SGCZ: variants seen among roughly 807,000 people sequenced by gnomAD.
The protein encoded by SGCZ is zeta-sarcoglycan.
Under a neutral mutation model 41.3 loss-of-function variants are expected in SGCZ, and 40 were observed. That is an observed-to-expected ratio of 0.97 (90% CI 0.75 to 1.26). The LOEUF is 1.26. Among genes scored for constraint, SGCZ ranks in the 50% most tolerant of loss-of-function variants. SGCZ has a pLI of 0.00. For synonymous variants in SGCZ, 206 were observed against 137.5 expected, an observed-to-expected ratio of 1.50 and a Z score of -3.49; for missense variants, 552 against 369.8, an observed-to-expected ratio of 1.49 and a Z score of -4.04.
intron 2 of SGCZ, among the ~76,000 whole-genome samples, chr8:14,337,451 G>A (rs181593264): frequency 8.5e-4 from 130 of 152,218 alleles, no homozygotes; most frequent in Non-Finnish European, 1.5e-3. Flanking sequence ...ATTAGATTTT[G>A]AGTACTCTCC....
At chr8:14,432,153 C>A (rs13263532) in intron 2 of SGCZ, among the ~76,000 whole-genome samples, 3 of 152,028 alleles carry the variant, frequency 2.0e-5, no homozygotes, top group Non-Finnish European at 2.9e-5. Context: ...GTAGAACTAC[C>A]ATTTGATCCA....
intron 2 of SGCZ, among the ~76,000 whole-genome samples, chr8:14,443,515 C>A (rs1329034042): frequency 6.6e-6 from 1 of 152,068 alleles, no homozygotes; most frequent in Non-Finnish European, 1.5e-5. Context: ...CGCATATCTA[C>A]AACTATCTGA....
intron 1 of SGCZ, among the ~76,000 whole-genome samples, chr8:14,792,418 A>T (rs1800986499): frequency 6.6e-6 from 1 of 152,124 alleles, no homozygotes; most frequent in Admixed American, 6.6e-5. Flanking sequence ...CTTTAGAAAC[A>T]TCAACTCTCT....
chr8:14,206,672 A>G (rs977939864), intron 4 of SGCZ, among the ~76,000 whole-genome samples: 1 of 152,206 alleles, frequency 6.6e-6, no homozygotes, highest in African/African-American at 2.4e-5. Flanking sequence ...CTGTTTATAT[A>G]ACAAGCAGTT....
chr8:15,122,609 T>C (rs1288372541), intron 1 of SGCZ, among the ~76,000 whole-genome samples: 1 of 152,150 alleles, frequency 6.6e-6, no homozygotes, highest in Non-Finnish European at 1.5e-5. Context: ...GAAATCACGT[T>C]AACTGAATGC....
intron 2 of SGCZ, among the ~76,000 whole-genome samples, chr8:14,380,852 C>G (rs754868391): frequency 4.6e-5 from 7 of 151,906 alleles, no homozygotes; most frequent in Non-Finnish European, 8.8e-5. Flanking sequence ...GAGTGAGAGT[C>G]TGTCTCAAAC....
In SGCZ at chr8:14,882,983, C is replaced by G. The variant is rs1804650558; in HGVS notation, c.40-328057G>C. Among the ~76,000 whole-genome samples the G allele has an allele frequency of 2.0e-5, 3 of 151,952 alleles. No individual in the cohort carries two copies. The South Asian group carries it at 6.2e-4, about 32-fold the overall frequency. The stretch of plus-strand genomic sequence containing the variant: ...ATATTTCTAATTTTATTGATTGCAT[C>G]TCATTTTACATCTATGTATTTATAC... On this transcript the variant is annotated intron_variant, in intron 1 of 7. Coordinates refer to ENST00000382080, the MANE Select transcript of SGCZ (RefSeq NM_139167.4).
chr8:14,893,943 A>G (rs1022016535), intron 1 of SGCZ, among the ~76,000 whole-genome samples: 3 of 152,170 alleles, frequency 2.0e-5, no homozygotes, highest in African/African-American at 7.2e-5. Context: ...AGTTTCCTCA[A>G]TTCTAAATTC....
chr8:14,284,996 T>G (rs1014881451), intron 3 of SGCZ, among the ~76,000 whole-genome samples: 1 of 152,168 alleles, frequency 6.6e-6, no homozygotes, highest in Non-Finnish European at 1.5e-5. Flanking sequence ...CTCCAGATGA[T>G]ATCTTCCATC....
intron 1 of SGCZ, among the ~76,000 whole-genome samples, chr8:14,916,592 C>A (rs962676468): frequency 6.6e-6 from 1 of 152,188 alleles, no homozygotes; most frequent in African/African-American, 2.4e-5. Context: ...TATAAGTTAA[C>A]AAACTTGCCT....
intron 2 of SGCZ, among the ~76,000 whole-genome samples, chr8:14,329,685 G>A (rs991861342): frequency 5.9e-5 from 9 of 152,074 alleles, no homozygotes; most frequent in African/African-American, 2.2e-4. Context: ...AATCCACTGT[G>A]ATCATCATAT....
chr8:14,414,604 G>A (rs1250130217), intron 2 of SGCZ, among the ~76,000 whole-genome samples: 4 of 151,932 alleles, frequency 2.6e-5, no homozygotes, highest in Admixed American at 2.6e-4. Context: ...AAGGATAGCT[G>A]AGAAAATGTG....
chr8:14,946,675 A>AT (rs5889556), intron 1 of SGCZ, among the ~76,000 whole-genome samples: 33,714 of 132,176 alleles, frequency 0.26, 4,538 homozygotes, highest in South Asian at 0.35. Flanking sequence ...AGAAATCTGT[A>AT]TTTTTTTTTT....
At chr8:14,685,714 T>G (rs571046437) in intron 1 of SGCZ, among the ~76,000 whole-genome samples, 129 of 152,226 alleles carry the variant, frequency 8.5e-4, no homozygotes, top group African/African-American at 3.1e-3. Context: ...CATATAAAGC[T>G]AGTTTTTATG....
intron 1 of SGCZ, among the ~76,000 whole-genome samples, chr8:14,665,461 T>C (rs766295523): frequency 2.0e-5 from 3 of 152,208 alleles, no homozygotes; most frequent in South Asian, 2.1e-4. Flanking sequence ...TGAATAGTGC[T>C]GCAGTAAACA....
chr8:14,366,394 T>C (rs1803708770), intron 2 of SGCZ, among the ~76,000 whole-genome samples: 1 of 152,084 alleles, frequency 6.6e-6, no homozygotes, highest in Admixed American at 6.6e-5. Context: ...AAGAATTCAC[T>C]CCCTATCATG....
intron 3 of SGCZ, among the ~76,000 whole-genome samples, chr8:14,278,865 T>C (rs1800324069): frequency 6.6e-6 from 1 of 152,160 alleles, no homozygotes; most frequent in African/African-American, 2.4e-5. Context: ...ACATGAGAAA[T>C]ATGTTTAATA....
In SGCZ at chr8:14,429,971, A is replaced by AT. The variant is rs537889544; in HGVS notation, c.235-105768dup. On this transcript the variant is annotated intron_variant, in intron 2 of 7. Transcript: ENST00000382080. ...AAGGTATTCATAGTAGTCTTGAACGATTTTTTGTATTTCTGTGGTGTCAGC... is the reference window on the plus strand; with the variant it reads ...AAGGTATTCATAGTAGTCTTGAACGATTTTTTTGTATTTCTGTGGTGTCAGC... Among the ~76,000 whole-genome samples, 744 of 152,098 alleles carry AT rather than the reference A, an allele frequency of 4.9e-3. 3 individuals are homozygous for AT. The highest frequency in any genetic ancestry group is 0.017 in the South Asian group (82 of 4,810).
At chr8:14,991,295 T>C (rs1802006402) in intron 1 of SGCZ, among the ~76,000 whole-genome samples, 1 of 152,090 alleles carries the variant, frequency 6.6e-6, no homozygotes, top group Admixed American at 6.6e-5. Context: ...AATCAAAATA[T>C]GATACAAGGA....
Sources: allele counts gnomAD v4.1 joint callset (sites outside exome capture counted in the v4.1 genomes callset), GRCh38; gene constraint gnomAD v4.1.1; transcripts MANE v1.5; gene names NCBI Gene and HGNC (gene_info 2026-07-23, HGNC 2026-07-21).